NEGR1: variants seen among roughly 807,000 people sequenced by gnomAD.
The protein encoded by NEGR1 is IgLON family member 4.
NEGR1 carries 10 observed loss-of-function variants against 40.9 expected under a neutral mutation model. That is an observed-to-expected ratio of 0.24 (90% CI 0.15 to 0.42). NEGR1 has a LOEUF of 0.42. NEGR1 is among the 10% of genes least tolerant of loss of function. The probability of loss-of-function intolerance (pLI) is 1.00; values close to 1 mark genes in which losing one functional copy is unlikely to be tolerated. For missense variants in NEGR1, 352 were observed against 438.9 expected, an observed-to-expected ratio of 0.80 and a Z score of 1.77; for synonymous variants, 185 against 166.8, an observed-to-expected ratio of 1.11 and a Z score of -0.84.
chr1:71,426,815 TA>T (rs989763718), intron 6 of NEGR1, among the ~76,000 whole-genome samples: 37 of 151,560 alleles, frequency 2.4e-4, no homozygotes, highest in Admixed American at 1.4e-3. Context: ...ATGTGAGATT[TA>T]AAAAAAAATA....
intron 1 of NEGR1, among the ~76,000 whole-genome samples, chr1:72,114,725 T>C (rs1368172886): frequency 1.3e-5 from 2 of 151,794 alleles, no homozygotes; most frequent in African/African-American, 2.4e-5. Context: ...GAAACCCTAT[T>C]TATTTTTGGT....
intron 6 of NEGR1, among the ~76,000 whole-genome samples, chr1:71,482,598 T>G (rs887009095): frequency 7.9e-5 from 12 of 151,856 alleles, no homozygotes; most frequent in African/African-American, 2.7e-4. Context: ...TTCATGTCAT[T>G]AGAGGATTTT....
chr1:71,524,566 G>A (rs1156723970), intron 6 of NEGR1, among the ~76,000 whole-genome samples: 2 of 151,586 alleles, frequency 1.3e-5, no homozygotes, highest in Non-Finnish European at 3.0e-5. Flanking sequence ...AGGTTCTGAA[G>A]GAAAATATTA....
At chr1:72,263,339 T>C (rs1475053798) in intron 1 of NEGR1, among the ~76,000 whole-genome samples, 1 of 151,650 alleles carries the variant, frequency 6.6e-6, no homozygotes, top group Non-Finnish European at 1.5e-5. Flanking sequence ...GCATCAGATT[T>C]TTTTAAAAGA....
Position 71,567,595 on chromosome 1 carries a change from T to C in NEGR1, c.940+25222A>G, listed in dbSNP as rs543283858. ...CTGCTATTGCCTGATTTATATATAATAGAAATATGTAGAATTCATTTTTCT... is the reference window on the plus strand; with the variant it reads ...CTGCTATTGCCTGATTTATATATAACAGAAATATGTAGAATTCATTTTTCT... On this transcript the variant is annotated intron_variant, in intron 6 of 6. Transcript: ENST00000357731. Among the ~76,000 whole-genome samples, 7 of 152,316 alleles carry C rather than the reference T, an allele frequency of 4.6e-5. No homozygotes were observed. In the South Asian group the frequency reaches 1.2e-3, roughly 27 times the overall value.
At chr1:71,615,137 T>G (rs542702990) in intron 4 of NEGR1, among the ~76,000 whole-genome samples, 1 of 152,292 alleles carries the variant, frequency 6.6e-6, no homozygotes, top group African/African-American at 2.4e-5. Context: ...CTCTATTGAT[T>G]TTACTTGGAG....
At chr1:71,849,180 T>C (rs1013893210) in intron 2 of NEGR1, among the ~76,000 whole-genome samples, 1 of 152,142 alleles carries the variant, frequency 6.6e-6, no homozygotes, top group African/African-American at 2.4e-5. Context: ...GTAAATTGAA[T>C]ACCTTCTGGA....
chr1:71,751,898 A>G (rs1048175321), intron 3 of NEGR1, among the ~76,000 whole-genome samples: 1 of 152,192 alleles, frequency 6.6e-6, no homozygotes, highest in Non-Finnish European at 1.5e-5. Flanking sequence ...TGAATGGAAA[A>G]TTTATCGTCA....
intron 1 of NEGR1, among the ~76,000 whole-genome samples, chr1:72,184,584 C>A (rs765393846): frequency 3.9e-5 from 6 of 151,936 alleles, no homozygotes; most frequent in Non-Finnish European, 8.8e-5. Flanking sequence ...CTAAGAATGA[C>A]AGAAGAAGAT....
intron 6 of NEGR1, among the ~76,000 whole-genome samples, chr1:71,455,856 C>T (rs1388728991): frequency 6.6e-6 from 1 of 152,130 alleles, no homozygotes; most frequent in Non-Finnish European, 1.5e-5. Flanking sequence ...GTCTCCTTTC[C>T]ATCTTCTGTG....
At chr1:71,435,548 A>G (rs1646503758) in intron 6 of NEGR1, among the ~76,000 whole-genome samples, 1 of 152,166 alleles carries the variant, frequency 6.6e-6, no homozygotes, top group Admixed American at 6.5e-5. Context: ...AAAAAGTCAC[A>G]GAGACATTTA....
At chr1:71,613,366 G>C (rs1343870250) in intron 4 of NEGR1, among the ~76,000 whole-genome samples, 1 of 152,042 alleles carries the variant, frequency 6.6e-6, no homozygotes, top group Non-Finnish European at 1.5e-5. Context: ...TTTGGAGGGG[G>C]CTGTGTGCAG....
chr1:72,272,387 G>A (rs908418701), intron 1 of NEGR1, among the ~76,000 whole-genome samples: 3 of 151,550 alleles, frequency 2.0e-5, no homozygotes, highest in African/African-American at 7.3e-5. Flanking sequence ...ATATTAATTT[G>A]AAAATACTTT....
intron 1 of NEGR1, among the ~76,000 whole-genome samples, chr1:72,167,033 A>G (rs1475722182): frequency 6.6e-6 from 1 of 152,128 alleles, no homozygotes; most frequent in African/African-American, 2.4e-5. Context: ...GCCTGAAGCT[A>G]ACACCTAGGC....
chr1:72,043,027 C>T lies in NEGR1; in HGVS notation c.177-107716G>A, dbSNP rs143077213. On this transcript the variant is annotated intron_variant, in intron 1 of 6. Coordinates refer to ENST00000357731, the MANE Select transcript of NEGR1 (RefSeq NM_173808.3). ...GCATGCATTGCATTTGTCTTTATTG[C>T]TAGGGGGTGGGAGTGGCATAGCATA... 9.5e-3 allele frequency among the ~76,000 whole-genome samples: 1,440 copies of T among 151,912 alleles called. 22 individuals carry two copies. The highest frequency in any genetic ancestry group is 0.014 in the Non-Finnish European group (932 of 67,886).
rs920745513 is a variant in NEGR1, at chr1:71,748,991, T to A, written c.535+27181A>T. Among the ~76,000 whole-genome samples, 5 of 152,130 alleles carry A rather than the reference T, an allele frequency of 3.3e-5. 1 individual carries two copies. The highest frequency in any genetic ancestry group is 1.2e-4 in the African/African-American group (5 of 41,438). Reference sequence around the variant, plus strand: ...AGGGCTCTTCATAAATCAAATAAGATCATAGTATTTTTGTTTTTCTGGAAA... The same window carrying A: ...AGGGCTCTTCATAAATCAAATAAGAACATAGTATTTTTGTTTTTCTGGAAA... On this transcript the variant is annotated intron_variant, in intron 3 of 6. Transcript: ENST00000357731.
chr1:71,427,308 C>A (rs1646434968), intron 6 of NEGR1, among the ~76,000 whole-genome samples: 1 of 152,138 alleles, frequency 6.6e-6, no homozygotes, highest in Non-Finnish European at 1.5e-5. Flanking sequence ...AATAGCCGTG[C>A]CAATAGCATG....
intron 4 of NEGR1, among the ~76,000 whole-genome samples, chr1:71,650,181 G>A (rs1651665008): frequency 1.3e-5 from 2 of 152,090 alleles, no homozygotes; most frequent in Admixed American, 1.3e-4. Context: ...TACTCTTAGA[G>A]GTGGAAAAAT....
chr1:71,476,479 T>C (rs546163410), intron 6 of NEGR1, among the ~76,000 whole-genome samples: 1 of 152,242 alleles, frequency 6.6e-6, no homozygotes, highest in African/African-American at 2.4e-5. Context: ...TAAGATAATC[T>C]TTGTTTGCCT....
Sources: gnomAD v4.1 joint callset for allele counts (sites outside exome capture counted in the v4.1 genomes callset) on GRCh38, gnomAD v4.1.1 for gene constraint, MANE v1.5 for transcripts, NCBI Gene and HGNC (gene_info 2026-07-23, HGNC 2026-07-21) for gene names.